MLLT3: variants seen among roughly 807,000 people sequenced by gnomAD.
MLLT3 encodes the protein protein AF-9.
Under a neutral mutation model 53.2 loss-of-function variants are expected in MLLT3, and 4 were observed. The observed-to-expected ratio is 0.08, with a 90% confidence interval of 0.04 to 0.17. The LOEUF is 0.17. Ranked by LOEUF, MLLT3 falls within the 10% of genes least tolerant of loss-of-function variation. MLLT3 has a pLI of 1.00. For synonymous variants in MLLT3, 283 were observed against 230.6 expected, an observed-to-expected ratio of 1.23 and a Z score of -2.06; for missense variants, 569 against 684.0, an observed-to-expected ratio of 0.83 and a Z score of 1.87.
intron 10 of MLLT3, among the ~76,000 whole-genome samples, chr9:20,352,409 A>G (rs540182974): frequency 1.2e-4 from 19 of 152,340 alleles, no homozygotes; most frequent in South Asian, 4.1e-4. Flanking sequence ...AGGTAAAACA[A>G]CGTTCGGTTC....
chr9:20,563,960 T>C (rs966790427), intron 2 of MLLT3, among the ~76,000 whole-genome samples: 1 of 152,192 alleles, frequency 6.6e-6, no homozygotes, highest in Admixed American at 6.6e-5. Flanking sequence ...CTAGTCAGGA[T>C]AGAAATCCAT....
intron 4 of MLLT3, among the ~76,000 whole-genome samples, chr9:20,429,151 T>C (rs1586942857): frequency 6.6e-6 from 1 of 152,220 alleles, no homozygotes; most frequent in East Asian, 1.9e-4. Context: ...AGTGCTCTCT[T>C]GAGGCCAGAA....
chr9:20,586,717 G>A (rs558636119), intron 2 of MLLT3, among the ~76,000 whole-genome samples: 1 of 151,934 alleles, frequency 6.6e-6, no homozygotes, highest in East Asian at 1.9e-4. Flanking sequence ...AGGGAGGAGA[G>A]GAATGAAGGG....
At position 20,344,800 on chromosome 9, in the gene MLLT3, C is replaced by T. The variant is rs973742922; in HGVS notation, c.*1643G>A. ...GCCCAAAAGAATGGGTCTGGAAAGACCATTTTCTGTACAGACACTAGTTAA... is the reference window on the plus strand; with the variant it reads ...GCCCAAAAGAATGGGTCTGGAAAGATCATTTTCTGTACAGACACTAGTTAA... On this transcript the variant is annotated 3_prime_UTR_variant, in exon 11 of 11. Coordinates refer to ENST00000380338, the MANE Select transcript of MLLT3 (RefSeq NM_004529.4). 1 of 208,850 alleles carries T rather than the reference C, an allele frequency of 4.8e-6. No individual in the cohort carries two copies. The highest frequency in any genetic ancestry group is 2.3e-5 in the African/African-American group (1 of 43,990). The allele number at this position is 208,850 out of a possible 1,614,324, so 12.9% of individuals were successfully genotyped here. A position where few individuals can be genotyped will look rare whatever the true frequency, so the allele number is the denominator to read the frequency against.
At chr9:20,443,545 T>A (rs1216437874) in intron 4 of MLLT3, among the ~76,000 whole-genome samples, 1 of 152,148 alleles carries the variant, frequency 6.6e-6, no homozygotes, top group Non-Finnish European at 1.5e-5. Flanking sequence ...TGCCAACACC[T>A]TGAAGGAAGA....
intron 3 of MLLT3, among the ~76,000 whole-genome samples, chr9:20,450,119 TA>T (rs1823803861): frequency 6.6e-6 from 1 of 152,242 alleles, no homozygotes; most frequent in Admixed American, 6.5e-5. Flanking sequence ...ACAGCAATTC[TA>T]ACTGCTTGCC....
At chr9:20,553,058 A>G (rs1818965017) in intron 2 of MLLT3, among the ~76,000 whole-genome samples, 1 of 152,212 alleles carries the variant, frequency 6.6e-6, no homozygotes, top group Admixed American at 6.5e-5. Context: ...TGAGAATCTG[A>G]TCTTTTATTA....
At chr9:20,535,806 G>A (rs914881801) in intron 2 of MLLT3, among the ~76,000 whole-genome samples, 3 of 152,142 alleles carry the variant, frequency 2.0e-5, no homozygotes, top group Non-Finnish European at 4.4e-5. Flanking sequence ...TGCAAAAACT[G>A]TTTGATACCG....
In MLLT3 at chr9:20,537,948, T is replaced by C. The variant is rs185045836; in HGVS notation, c.194-81162A>G. ...ACAAATCAGAAGACAAATGATAAAC[T>C]ACATGGCAGACTTATAATATTCCTT... is the stretch of plus-strand genomic sequence containing the variant. On this transcript the variant is annotated intron_variant, in intron 2 of 10. Coordinates refer to ENST00000380338, the MANE Select transcript of MLLT3 (RefSeq NM_004529.4). Among the ~76,000 whole-genome samples the C allele has an allele frequency of 2.2e-3, 340 of 152,270 alleles. 1 individual carries two copies. Among genetic ancestry groups the C allele is most frequent in the African/African-American group, 7.7e-3 (320 of 41,564 alleles).
chr9:20,618,607 A>G (rs1210448162), intron 2 of MLLT3, among the ~76,000 whole-genome samples: 1 of 152,188 alleles, frequency 6.6e-6, no homozygotes, highest in African/African-American at 2.4e-5. Context: ...TGAGTATAAA[A>G]ATTGAGGAAT....
At chr9:20,381,180 T>A (rs1821899882) in intron 5 of MLLT3, among the ~76,000 whole-genome samples, 1 of 151,964 alleles carries the variant, frequency 6.6e-6, no homozygotes, top group Non-Finnish European at 1.5e-5. Context: ...ATTTCCACAT[T>A]TGGGTAGAAG....
intron 2 of MLLT3, among the ~76,000 whole-genome samples, chr9:20,558,402 A>G (rs951165294): frequency 3.9e-5 from 6 of 152,118 alleles, no homozygotes; most frequent in African/African-American, 1.4e-4. Flanking sequence ...CAGCCTCCCA[A>G]AGTGCTGTGA....
chr9:20,570,991 T>G (rs1452059183), intron 2 of MLLT3, among the ~76,000 whole-genome samples: 1 of 152,158 alleles, frequency 6.6e-6, no homozygotes, highest in Non-Finnish European at 1.5e-5. Context: ...CATACAAAAT[T>G]AAGAAGCCAT....
chr9:20,404,433 C>G (rs1207801291), intron 5 of MLLT3, among the ~76,000 whole-genome samples: 1 of 152,196 alleles, frequency 6.6e-6, no homozygotes, highest in Non-Finnish European at 1.5e-5. Flanking sequence ...CAATTTGCAT[C>G]TATAATAAGG....
chr9:20,591,660 T>G (rs1820132677), intron 2 of MLLT3, among the ~76,000 whole-genome samples: 1 of 152,300 alleles, frequency 6.6e-6, no homozygotes, highest in East Asian at 1.9e-4. Flanking sequence ...ATGCAAACTG[T>G]GAACTCACCA....
At chr9:20,596,323 G>T (rs781727367) in intron 2 of MLLT3, among the ~76,000 whole-genome samples, 37 of 152,188 alleles carry the variant, frequency 2.4e-4, no homozygotes, top group Non-Finnish European at 5.1e-4. Flanking sequence ...TAAATGTATA[G>T]GAGTACCCTG....
At chr9:20,477,878 G>A (rs895139645) in intron 2 of MLLT3, among the ~76,000 whole-genome samples, 19 of 152,180 alleles carry the variant, frequency 1.2e-4, no homozygotes, top group Admixed American at 7.9e-4. Context: ...TATTTTCTAC[G>A]ACTGTATGTT....
chr9:20,558,039 A>G (rs558575245), intron 2 of MLLT3, among the ~76,000 whole-genome samples: 2 of 152,312 alleles, frequency 1.3e-5, no homozygotes, highest in East Asian at 1.9e-4. Context: ...TCAGGCCTAC[A>G]GTTGGCTGTA....
chr9:20,355,831 G>C (rs1045951819), intron 8 of MLLT3, among the ~76,000 whole-genome samples: 1 of 152,210 alleles, frequency 6.6e-6, no homozygotes, highest in Non-Finnish European at 1.5e-5. Context: ...TTTATCTTAA[G>C]AGGTTTTATA....
Sources: gnomAD v4.1 joint callset for allele counts (sites outside exome capture counted in the v4.1 genomes callset) on GRCh38, gnomAD v4.1.1 for gene constraint, MANE v1.5 for transcripts, NCBI Gene and HGNC (gene_info 2026-07-23, HGNC 2026-07-21) for gene names.